Variants in BABAM2 observed in about 807,000 individuals in gnomAD.
The protein encoded by BABAM2 is BRISC and BRCA1-A complex member 2.
A neutral mutation model predicts 54.7 loss-of-function variants in BABAM2; 31 were observed. The observed-to-expected ratio is 0.57, with a 90% CI of 0.43 to 0.77. The LOEUF is 0.77. Ranked by LOEUF, BABAM2 falls within the 30% of genes least tolerant of loss-of-function variation. The pLI is 0.00. For synonymous variants in BABAM2, 167 were observed against 162.9 expected (o/e 1.03, Z -0.19); for missense variants, 364 against 455.8 (o/e 0.80, Z 1.83).
intron 10 of BABAM2, among the ~76,000 whole-genome samples, chr2:28,246,319 T>C (rs1425500764): frequency 6.6e-6 from 1 of 152,240 alleles, no homozygotes; most frequent in East Asian, 1.9e-4. Flanking sequence ...TGTGGCTTAA[T>C]TCCTTTGTGA....
At chr2:28,305,698 T>G (rs1688459060) in intron 11 of BABAM2, among the ~76,000 whole-genome samples, 1 of 152,220 alleles carries the variant, frequency 6.6e-6, no homozygotes, top group Non-Finnish European at 1.5e-5. Flanking sequence ...TTCAGATTGC[T>G]GTATTTCTTC....
intron 7 of BABAM2, among the ~76,000 whole-genome samples, chr2:28,208,870 C>T (rs953416515): frequency 6.6e-6 from 1 of 152,044 alleles, no homozygotes; most frequent in African/African-American, 2.4e-5. Context: ...TGCCCCAGTC[C>T]CTGGTGAACA....
At chr2:28,234,803 G>A (rs1681748539) in intron 7 of BABAM2, among the ~76,000 whole-genome samples, 1 of 152,180 alleles carries the variant, frequency 6.6e-6, no homozygotes, top group Non-Finnish European at 1.5e-5. Context: ...GGTTAGATGT[G>A]TGCCTTCTGT....
chr2:28,302,836 G>C (rs915536911), intron 11 of BABAM2, among the ~76,000 whole-genome samples: 1 of 152,128 alleles, frequency 6.6e-6, no homozygotes, highest in Non-Finnish European at 1.5e-5. Flanking sequence ...AAATGATGTT[G>C]AGCATCTTGG....
At chr2:27,910,291 A>G (rs1435237171) in intron 2 of BABAM2, among the ~76,000 whole-genome samples, 1 of 152,180 alleles carries the variant, frequency 6.6e-6, no homozygotes, top group Admixed American at 6.5e-5. Context: ...GGTGTATCAC[A>G]GTTGTCTCCT....
intron 7 of BABAM2, among the ~76,000 whole-genome samples, chr2:28,205,181 T>A (rs1024002): frequency 0.98 from 148,867 of 152,142 alleles, 72,917 homozygotes; most frequent in Middle Eastern, 1. Flanking sequence ...TTACTGCAGC[T>A]TTGCCTAACC....
intron 7 of BABAM2, among the ~76,000 whole-genome samples, chr2:28,171,790 C>A (rs1674354372): frequency 6.6e-6 from 1 of 152,004 alleles, no homozygotes; most frequent in African/African-American, 2.4e-5. Flanking sequence ...ATGTGTAGCA[C>A]CTGGAACATT....
intron 7 of BABAM2, among the ~76,000 whole-genome samples, chr2:28,183,455 C>T (rs752485588): frequency 6.6e-6 from 1 of 152,042 alleles, no homozygotes; most frequent in Non-Finnish European, 1.5e-5. Flanking sequence ...AAAAAATTTA[C>T]AAAACATATT....
At position 28,289,779 on chromosome 2, in the gene BABAM2, ACT is replaced by A. The variant is rs548550036; in HGVS notation, c.935-8556_935-8555del. 2.6e-3 allele frequency among the ~76,000 whole-genome samples: 397 copies of A among 152,208 alleles called. 2 individuals carry two copies. The highest frequency in any genetic ancestry group is 8.9e-3 in the African/African-American group (369 of 41,530). The stretch of plus-strand genomic sequence containing the variant: ...ACACTCCACCCCGTGTGACAGAGAG[ACT>A]CTGTCTCAAAAAAGAAAAAAAGAAA... On this transcript the variant is annotated intron_variant, in intron 10 of 11. Coordinates refer to ENST00000379624, the MANE Select transcript of BABAM2 (RefSeq NM_199191.3).
intron 3 of BABAM2, among the ~76,000 whole-genome samples, chr2:27,969,627 G>A (rs1671062230): frequency 1.3e-5 from 2 of 152,128 alleles, no homozygotes; most frequent in South Asian, 4.1e-4. Flanking sequence ...GCAGTTACTG[G>A]AGCTGGATGG....
intron 10 of BABAM2, among the ~76,000 whole-genome samples, chr2:28,260,941 CTTTTT>C (rs34766123): frequency 1.8e-5 from 2 of 110,794 alleles, no homozygotes; most frequent in Non-Finnish European, 3.8e-5. Context: ...CATTTTCTTT[CTTTTT>C]TTTTTTTTTT....
At chr2:28,112,218 C>T (rs1247656904) in intron 6 of BABAM2, among the ~76,000 whole-genome samples, 156 of 121,690 alleles carry the variant, frequency 1.3e-3, no homozygotes, top group African/African-American at 1.7e-3. Context: ...TTCCTTCCTT[C>T]CTTCCTTCCT....
intron 4 of BABAM2, among the ~76,000 whole-genome samples, chr2:28,010,004 T>TAAG (rs1334584370): frequency 6.6e-6 from 1 of 152,152 alleles, no homozygotes. Context: ...AGTGAAGGCC[T>TAAG]CCTGTCTAAG....
At chr2:28,272,822 T>C (rs566507835) in intron 10 of BABAM2, among the ~76,000 whole-genome samples, 1 of 152,216 alleles carries the variant, frequency 6.6e-6, no homozygotes, top group African/African-American at 2.4e-5. Context: ...AGCACCTCCC[T>C]CTGCGTGAGG....
chr2:28,272,312 G>T (rs1573974373), intron 10 of BABAM2, among the ~76,000 whole-genome samples: 1 of 152,308 alleles, frequency 6.6e-6, no homozygotes, highest in South Asian at 2.1e-4. Context: ...TTAGAAATGT[G>T]GTTGCTGGGT....
Position 28,112,147 on chromosome 2 carries a change from T to TTCTTTCTTTCTTTCCTTCCCTCCCTCCC in BABAM2, c.571-17123_571-17122insCTTTCTTTCTTTCCTTCCCTCCCTCCCT, listed in dbSNP as rs1558346715. ...TTTCTTTCTTTCTTTCTTTCTTTCTTTACCTCCCTCCCTCCCTCCCTCCCT... is the reference window on the plus strand; with the variant it reads ...TTTCTTTCTTTCTTTCTTTCTTTCTTTCTTTCTTTCTTTCCTTCCCTCCCTCCCTACCTCCCTCCCTCCCTCCCTCCCT... On this transcript the variant is annotated intron_variant, in intron 6 of 11. Transcript: ENST00000379624. Among the ~76,000 whole-genome samples the TTCTTTCTTTCTTTCCTTCCCTCCCTCCC allele has an allele frequency of 9.5e-4, 5 of 5,248 alleles. 2 individuals carry two copies. The highest frequency in any genetic ancestry group is 1.6e-3 in the Non-Finnish European group (5 of 3,156). 3.4% of individuals were successfully genotyped at this position (5,248 alleles called of 152,430 possible). A position where few individuals can be genotyped will look rare whatever the true frequency, so the allele number is the denominator to read the frequency against.
At chr2:28,117,475 T>C (rs1321291274) in intron 6 of BABAM2, among the ~76,000 whole-genome samples, 1 of 152,182 alleles carries the variant, frequency 6.6e-6, no homozygotes, top group East Asian at 1.9e-4. Context: ...GCAGATTGAA[T>C]AGTCAAACCA....
At chr2:28,073,878 A>G (rs1664403674) in intron 6 of BABAM2, among the ~76,000 whole-genome samples, 1 of 152,176 alleles carries the variant, frequency 6.6e-6, no homozygotes, top group Non-Finnish European at 1.5e-5. Flanking sequence ...ATCCATGAAC[A>G]CACAGACATA....
In BABAM2 at chr2:28,025,427, A is replaced by AT; in HGVS notation, c.495+12dup. The AT allele has an allele frequency of 1.3e-6, 2 of 1,556,142 alleles. No homozygotes were observed. Among genetic ancestry groups the AT allele is most frequent in the Non-Finnish European group, 1.7e-6 (2 of 1,158,432 alleles). The stretch of plus-strand genomic sequence containing the variant: ...TGGGAAAAAAAACAACTGGGTAAGG[A>AT]TTTTTGAGAATGGAAAAAAAGATGA... On this transcript the variant is annotated splice_region_variant and intron_variant, in intron 5 of 11. Transcript: ENST00000379624.
Sources: allele counts gnomAD v4.1 joint callset (sites outside exome capture counted in the v4.1 genomes callset), GRCh38; gene constraint gnomAD v4.1.1; transcripts MANE v1.5; gene names NCBI Gene and HGNC (gene_info 2026-07-23, HGNC 2026-07-21).